Variants in TDRD3 observed in about 807,000 individuals in gnomAD.
TDRD3 encodes tudor domain containing 3, also known as tudor domain-containing protein 3.
Under a neutral mutation model 86.7 loss-of-function variants are expected in TDRD3, and 45 were observed. That is an observed-to-expected ratio of 0.52 (90% confidence interval 0.41 to 0.67). The LOEUF (loss-of-function observed/expected upper bound fraction) is 0.67, where lower values mean the gene tolerates loss of function less well. Among genes scored for constraint, TDRD3 ranks in the 30% least tolerant of loss-of-function variants. The pLI is 0.00. For missense variants in TDRD3, 814 were observed against 889.0 expected, an observed-to-expected ratio of 0.92 and a Z score of 1.07; for synonymous variants, 298 against 301.7, an observed-to-expected ratio of 0.99 and a Z score of 0.13.
intron 12 of TDRD3, among the ~76,000 whole-genome samples, chr13:60,563,558 A>T (rs1431899994): frequency 1.3e-5 from 2 of 152,180 alleles, no homozygotes; most frequent in Non-Finnish European, 2.9e-5. Context: ...TGTCCTGTGC[A>T]TTGTAGGATA....
At chr13:60,523,360 CAAATCATGGTGATGT>C (rs764488487) in intron 10 of TDRD3, among the ~76,000 whole-genome samples, 21 of 152,070 alleles carry the variant, frequency 1.4e-4, no homozygotes, top group Non-Finnish European at 2.4e-4. Flanking sequence ...TCTTGCATTT[CAAATCATGGTGATGT>C]AAAACATTGT....
chr13:60,503,385 T>C (rs781163003), intron 8 of TDRD3, among the ~76,000 whole-genome samples: 11 of 152,216 alleles, frequency 7.2e-5, no homozygotes, highest in Non-Finnish European at 1.5e-4. Flanking sequence ...ACATGACTGA[T>C]AAAGTTTAGT....
intron 1 of TDRD3, among the ~76,000 whole-genome samples, chr13:60,433,259 T>C (rs1954999490): frequency 1.3e-5 from 2 of 152,228 alleles, no homozygotes. Flanking sequence ...AATGTTTGCT[T>C]TTATGGCTCA....
intron 10 of TDRD3, among the ~76,000 whole-genome samples, chr13:60,520,062 A>C (rs868235589): frequency 1.2e-4 from 18 of 152,256 alleles, no homozygotes; most frequent in African/African-American, 3.9e-4. Flanking sequence ...TTTTCTTTTA[A>C]AAGGGGCTTT....
At chr13:60,440,526 C>G (rs1282700786) in intron 2 of TDRD3, among the ~76,000 whole-genome samples, 1 of 151,988 alleles carries the variant, frequency 6.6e-6, no homozygotes. Context: ...AGCATAGATA[C>G]AAAAATTAGC....
Position 60,428,013 on chromosome 13 carries a change from C to A in TDRD3, c.42-11675C>A, listed in dbSNP as rs145622279. Among the ~76,000 whole-genome samples the A allele has an allele frequency of 7.5e-3, 1,148 of 152,132 alleles. 18 individuals carry two copies. The highest frequency in any genetic ancestry group is 0.027 in the African/African-American group (1,111 of 41,498). ...AATGTCTTTGGAGCTGTTCTCCCTG[C>A]AGAGGCTTTAGGGGAGAATCAGTAA... On this transcript the variant is annotated intron_variant, in intron 1 of 13. Coordinates refer to ENST00000377881, the MANE Select transcript of TDRD3 (RefSeq NM_001146070.2).
At position 60,473,924 on chromosome 13, in the gene TDRD3, C is replaced by A. The variant is rs567932303; in HGVS notation, c.495+6545C>A. On this transcript the variant is annotated intron_variant, in intron 5 of 13. Transcript: ENST00000377881. Reference sequence around the variant, plus strand: ...TACTTAACAGACCAGGAAAGGGAGTCTCCCTTTCCCTGGGGGAGTTAGAGA... The same window carrying A: ...TACTTAACAGACCAGGAAAGGGAGTATCCCTTTCCCTGGGGGAGTTAGAGA... 1.2e-4 allele frequency among the ~76,000 whole-genome samples: 18 copies of A among 152,264 alleles called. 1 individual carries two copies. Among genetic ancestry groups the A allele is most frequent in the African/African-American group, 4.1e-4 (17 of 41,570 alleles).
intron 12 of TDRD3, among the ~76,000 whole-genome samples, chr13:60,549,536 G>T (rs1957999469): frequency 6.6e-6 from 1 of 152,062 alleles, no homozygotes; most frequent in African/African-American, 2.4e-5. Context: ...ACATTAAATA[G>T]ATTGAAATGT....
intron 8 of TDRD3, among the ~76,000 whole-genome samples, chr13:60,509,341 T>C (rs1228336114): frequency 6.6e-6 from 1 of 152,136 alleles, no homozygotes; most frequent in African/African-American, 2.4e-5. Flanking sequence ...GGTATCATTT[T>C]GTTAGCTTCA....
intron 12 of TDRD3, among the ~76,000 whole-genome samples, chr13:60,564,085 T>C (rs967264825): frequency 1.3e-5 from 2 of 152,208 alleles, no homozygotes; most frequent in Admixed American, 6.5e-5. Context: ...TAGTAAATAT[T>C]AGTATAAAAG....
chr13:60,414,826 C>T (rs187626126), intron 1 of TDRD3, among the ~76,000 whole-genome samples: 20 of 152,032 alleles, frequency 1.3e-4, no homozygotes, highest in Middle Eastern at 6.8e-3. Flanking sequence ...TTCAATTGAG[C>T]ATTCCTATCA....
intron 10 of TDRD3, among the ~76,000 whole-genome samples, chr13:60,524,715 C>G (rs1216911598): frequency 6.6e-6 from 1 of 151,790 alleles, no homozygotes; most frequent in Non-Finnish European, 1.5e-5. Context: ...GATGATGAAT[C>G]CAAGAATGAT....
intron 7 of TDRD3, among the ~76,000 whole-genome samples, chr13:60,493,723 A>T (rs1457630120): frequency 4.6e-5 from 7 of 152,242 alleles, no homozygotes; most frequent in Non-Finnish European, 1.5e-5. Flanking sequence ...TGTACAGGTA[A>T]CAACTGGCGA....
chr13:60,512,090 G>C (rs112520917), intron 10 of TDRD3, among the ~76,000 whole-genome samples: 2 of 152,118 alleles, frequency 1.3e-5, no homozygotes, highest in Admixed American at 6.6e-5. Flanking sequence ...AGGAAAAAGA[G>C]TGTATTGGAT....
intron 13 of TDRD3, among the ~76,000 whole-genome samples, chr13:60,567,990 G>A (rs1307027297): frequency 6.6e-6 from 1 of 151,780 alleles, no homozygotes; most frequent in Non-Finnish European, 1.5e-5. Context: ...ACCTGCCTTG[G>A]CCTCCCAAAG....
intron 1 of TDRD3, among the ~76,000 whole-genome samples, chr13:60,433,854 G>C (rs145875955): frequency 6.4e-4 from 98 of 152,326 alleles, no homozygotes; most frequent in Admixed American, 1.2e-3. Context: ...CAGTGAGTAA[G>C]TTAGATTCAC....
At chr13:60,447,137 A>C (rs1008351016) in intron 3 of TDRD3, among the ~76,000 whole-genome samples, 1 of 152,210 alleles carries the variant, frequency 6.6e-6, no homozygotes, top group Non-Finnish European at 1.5e-5. Flanking sequence ...GTGATCTTTC[A>C]AATAGGGCGT....
intron 3 of TDRD3, among the ~76,000 whole-genome samples, chr13:60,455,279 G>T (rs548120312): frequency 8.5e-5 from 13 of 152,274 alleles, no homozygotes; most frequent in African/African-American, 3.1e-4. Context: ...AGAGAAAGTA[G>T]GTAAAAAAGA....
chr13:60,563,514 GC>G lies in TDRD3; in HGVS notation c.2119-4010del, dbSNP rs1296178068. Among the ~76,000 whole-genome samples the G allele has an allele frequency of 1.3e-5, 2 of 152,142 alleles. 1 individual carries two copies. The highest frequency in any genetic ancestry group is 2.9e-5 in the Non-Finnish European group (2 of 68,030). On this transcript the variant is annotated intron_variant, in intron 12 of 13. Transcript: ENST00000377881. ...GGGTTTCTCAACTTCAACACTGCTG[GC>G]ATTAGGACTGGATAATTTTTTGTTG...
Sources: gnomAD v4.1 joint callset for allele counts (sites outside exome capture counted in the v4.1 genomes callset) on GRCh38, gnomAD v4.1.1 for gene constraint, MANE v1.5 for transcripts, NCBI Gene and HGNC (gene_info 2026-07-23, HGNC 2026-07-21) for gene names.